SP1: variants seen among roughly 807,000 people sequenced by gnomAD.
SP1 encodes the protein Sp1 transcription factor.
In SP1, 6 loss-of-function variants were observed where a neutral mutation model predicts 66.3. The observed-to-expected ratio is 0.09, with a 90% CI of 0.05 to 0.18. The LOEUF is 0.18. Ranked by LOEUF, SP1 falls within the 10% of genes least tolerant of loss-of-function variation. The probability of loss-of-function intolerance (pLI) is 1.00; values close to 1 mark genes in which losing one functional copy is unlikely to be tolerated. For synonymous variants in SP1, 417 were observed against 360.8 expected, an observed-to-expected ratio of 1.16 and a Z score of -1.77; for missense variants, 848 against 964.5, an observed-to-expected ratio of 0.88 and a Z score of 1.60.
At chr12:53,393,879 C>G (rs1938410065) in intron 3 of SP1, among the ~76,000 whole-genome samples, 1 of 151,670 alleles carries the variant, frequency 6.6e-6, no homozygotes. Flanking sequence ...ATTACACTTG[C>G]AGGTGTGAGC....
chr12:53,411,336 G>C lies in SP1; in HGVS notation c.*96G>C. On this transcript the variant is annotated 3_prime_UTR_variant, in exon 6 of 6. Coordinates refer to ENST00000327443, the MANE Select transcript of SP1 (RefSeq NM_138473.3). Reference sequence around the variant, plus strand: ...CAAGAGACATGGAAGAGAGAGCCATGAAGCATTAAAATGCATGGTGTTGAG... The same window carrying C: ...CAAGAGACATGGAAGAGAGAGCCATCAAGCATTAAAATGCATGGTGTTGAG... 9.7e-7 allele frequency: 1 copy of C among 1,027,562 alleles called. No homozygotes were observed. The highest frequency in any genetic ancestry group is 2.5e-5 in the Admixed American group (1 of 40,648). The allele number at this position is 1,027,562 out of a possible 1,614,324, so 63.7% of individuals were successfully genotyped here.
chr12:53,394,968 CA>C (rs1021459408), intron 3 of SP1, among the ~76,000 whole-genome samples: 3 of 151,956 alleles, frequency 2.0e-5, no homozygotes, highest in Admixed American at 2.0e-4. Flanking sequence ...TGGGTTCAAG[CA>C]ATCCTCCGAC....
chr12:53,385,656 T>G (rs1938212032), intron 3 of SP1, among the ~76,000 whole-genome samples: 1 of 150,116 alleles, frequency 6.7e-6, no homozygotes, highest in East Asian at 2.0e-4. Context: ...GGCTCACGCC[T>G]ATAATCCCAG....
Position 53,380,251 on chromosome 12 carries a change from C to T in SP1, c.-41C>T, listed in dbSNP as rs751026422. 1 of 1,500,426 alleles carries T rather than the reference C, an allele frequency of 6.7e-7. No individual in the cohort carries two copies. 92.9% of individuals were successfully genotyped at this position (1,500,426 alleles called of 1,614,324 possible). A position where few individuals can be genotyped will look rare whatever the true frequency, so the allele number is the denominator to read the frequency against. On this transcript the variant is annotated 5_prime_UTR_variant, in exon 1 of 6. Coordinates refer to ENST00000327443, the MANE Select transcript of SP1 (RefSeq NM_138473.3). ...GTTTTTCCCGGCCCCCCCCAACCCCCCCGGACAGGACCCCCTTGAGCTTGT... is the reference window on the plus strand; with the variant it reads ...GTTTTTCCCGGCCCCCCCCAACCCCTCCGGACAGGACCCCCTTGAGCTTGT...
At chr12:53,388,966 T>G (rs1938288338) in intron 3 of SP1, among the ~76,000 whole-genome samples, 1 of 148,758 alleles carries the variant, frequency 6.7e-6, no homozygotes, top group Non-Finnish European at 1.5e-5. Flanking sequence ...GGCAGTAGGG[T>G]GAGTCCCTGT....
At chr12:53,406,065 C>CTTTTTTTTTTTT (rs1170832065) in intron 3 of SP1, among the ~76,000 whole-genome samples, 2 of 82,410 alleles carry the variant, frequency 2.4e-5, no homozygotes, top group Non-Finnish European at 5.0e-5. Flanking sequence ...TATTTTCTTT[C>CTTTTTTTTTTTT]TTTTTTTTTT....
intron 3 of SP1, among the ~76,000 whole-genome samples, chr12:53,385,606 A>AT (rs374428435): frequency 0.015 from 1,530 of 100,810 alleles, 22 homozygotes; most frequent in African/African-American, 0.052. Context: ...AAAAAAAAAA[A>AT]AATAAATAAA....
chr12:53,380,736 TC>T (rs1245468050), intron 1 of SP1: 36 of 680,020 alleles, frequency 5.3e-5, no homozygotes, highest in Admixed American at 8.0e-5. Flanking sequence ...AGATTTCCCT[TC>T]CCCCCCGCCC....
rs1203764358 is a variant in SP1, at chr12:53,390,816, C to G, written c.1675+7194C>G. Among the ~76,000 whole-genome samples the G allele has an allele frequency of 2.0e-5, 3 of 152,130 alleles. No individual in the cohort carries two copies. The East Asian group carries it at 5.8e-4, about 29-fold the overall frequency. On this transcript the variant is annotated intron_variant, in intron 3 of 5. Transcript: ENST00000327443. ...TATAAATGACGTCATTGTTAAATCA[C>G]GTTGCCTTGTGTAATGGGGCCATTT...
rs796186831 is a variant in SP1 at position 53,405,240 on chromosome 12, A to G, written c.1676-1345A>G. Reference sequence around the variant, plus strand: ...GCAGTTCTCCTGCCTCAGCCTTCCAAAGTGCTGAGGTTACAGGCAGAACCA... The same window carrying G: ...GCAGTTCTCCTGCCTCAGCCTTCCAGAGTGCTGAGGTTACAGGCAGAACCA... On this transcript the variant is annotated intron_variant, in intron 3 of 5. Transcript: ENST00000327443. Among the ~76,000 whole-genome samples, 4 of 152,100 alleles carry G rather than the reference A, an allele frequency of 2.6e-5. No individual in the cohort carries two copies. The South Asian group carries it at 8.3e-4, about 32-fold the overall frequency.
At chr12:53,391,605 G>A (rs1938354015) in intron 3 of SP1, among the ~76,000 whole-genome samples, 1 of 152,028 alleles carries the variant, frequency 6.6e-6, no homozygotes, top group Non-Finnish European at 1.5e-5. Flanking sequence ...TTACAGGTGT[G>A]AGCCACTGCG....
At chr12:53,380,669 C>T (rs1468876018) in intron 1 of SP1, 2 of 989,666 alleles carry the variant, frequency 2.0e-6, no homozygotes, top group Non-Finnish European at 2.4e-6. Flanking sequence ...CAACCGCCTG[C>T]CTGGTCCGCC....
rs780107791 is a variant in SP1, at chr12:53,382,857, A to G, written c.910A>G (p.Thr304Ala). The G allele has an allele frequency of 1.1e-5, 17 of 1,614,060 alleles. No homozygotes were observed. Among genetic ancestry groups the G allele is most frequent in the Admixed American group, 3.3e-5 (2 of 60,004 alleles). Residue 304 changes from threonine (T) to alanine (A), a missense_variant, in exon 3 of 6, where the codon ACC becomes GCC. By Grantham distance (58) the Thr-to-Ala change is moderately conservative (BLOSUM62 0). This residue lies in a region of SP1 where 606 missense variants were observed against 589.9 expected (regional missense o/e 1.03). Transcript: ENST00000327443. ...CTCACAGCCTGTCACCTCAGGGACTACCATCAGTTCTGCCAGCTTGGTATC... is the reference window on the plus strand; with the variant it reads ...CTCACAGCCTGTCACCTCAGGGACTGCCATCAGTTCTGCCAGCTTGGTATC... ...SGSQPVTSGT[T>A]ISSASLVSSQ...
intron 3 of SP1, among the ~76,000 whole-genome samples, chr12:53,393,247 G>A (rs1938396943): frequency 6.6e-6 from 1 of 152,244 alleles, no homozygotes; most frequent in African/African-American, 2.4e-5. Flanking sequence ...CCAGAAGTTC[G>A]AAACCAACCT....
At chr12:53,386,039 G>A (rs1260047814) in intron 3 of SP1, among the ~76,000 whole-genome samples, 3 of 152,112 alleles carry the variant, frequency 2.0e-5, no homozygotes, top group Non-Finnish European at 2.9e-5. Context: ...GCTTTTCAAC[G>A]AAGTAAGTTC....
At chr12:53,385,147 T>A (rs532286064) in intron 3 of SP1, among the ~76,000 whole-genome samples, 119 of 149,210 alleles carry the variant, frequency 8.0e-4, no homozygotes, top group Non-Finnish European at 1.4e-3. Context: ...ATAAAAAAAT[T>A]AGCCAGGCAT....
intron 3 of SP1, among the ~76,000 whole-genome samples, chr12:53,397,781 T>C (rs1200631537): frequency 6.6e-6 from 1 of 152,006 alleles, no homozygotes; most frequent in African/African-American, 2.4e-5. Flanking sequence ...CTTGAACCCC[T>C]GACCTCAGAT....
Position 53,382,778 on chromosome 12 carries a change from G to A in SP1, c.831G>A (p.Leu277=). ...LPVNSVSAAT[L]TPSSQAVTIS... is the part of the protein sequence containing the mutation. The stretch of plus-strand genomic sequence containing the variant: ...TCAACAGCGTTTCTGCAGCTACCTT[G>A]ACTCCCAGCTCTCAGGCAGTCACGA... The change falls in exon 3 of 6, where the codon TTG becomes TTA. Residue 277 remains leucine (L), a synonymous_variant. Transcript: ENST00000327443. 1 of 1,614,154 alleles carries A rather than the reference G, an allele frequency of 6.2e-7. No homozygotes were observed. The highest frequency in any genetic ancestry group is 2.2e-5 in the East Asian group (1 of 44,886).
At chr12:53,399,412 C>T (rs1938558619) in intron 3 of SP1, among the ~76,000 whole-genome samples, 1 of 151,024 alleles carries the variant, frequency 6.6e-6, no homozygotes, top group Non-Finnish European at 1.5e-5. Flanking sequence ...CAGCTCACTG[C>T]AAGCTCCGCC....
Sources: gnomAD v4.1 joint callset for allele counts (sites outside exome capture counted in the v4.1 genomes callset) on GRCh38, gnomAD v4.1.1 for gene constraint, gnomAD v4.1.1 regional missense constraint, MANE v1.5 for transcripts, NCBI Gene and HGNC (gene_info 2026-07-23, HGNC 2026-07-21) for gene names.